The following DAAM1 variants were observed in gnomAD, a reference collection of about 807,000 sequenced individuals.
DAAM1 encodes the protein dishevelled associated activator of morphogenesis 1.
DAAM1 carries 52 observed loss-of-function variants against 130.0 expected under a neutral mutation model. The ratio of observed to expected loss-of-function variants is 0.40; its 90% confidence interval spans 0.32 to 0.50. The LOEUF is 0.50. Among genes scored for constraint, DAAM1 ranks in the 20% least tolerant of loss-of-function variants. The probability of loss-of-function intolerance (pLI) is 0.61; values close to 1 mark genes in which losing one functional copy is unlikely to be tolerated. For synonymous variants in DAAM1, 452 were observed against 444.5 expected (o/e 1.02, Z -0.21); for missense variants, 1,134 against 1,303.8 (o/e 0.87, Z 2.01).
At position 59,323,070 on chromosome 14, in the gene DAAM1, G is replaced by A; in HGVS notation, c.619G>A (p.Val207Ile). ...CCTGGCTCATTCTGAGAGTATTAAT[G>A]TAATTGCTCAGAGTCTGAGCACAGA... ...HVLAHSESIN[V>I]IAQSLSTENI... is the part of the protein sequence containing the mutation. Residue 207 changes from valine to isoleucine, a missense_variant, in exon 6 of 25, where the codon GTA becomes ATA. Coordinates refer to ENST00000360909, the MANE Select transcript of DAAM1 (RefSeq NM_001270520.2). 1 of 1,613,974 alleles carries A rather than the reference G, an allele frequency of 6.2e-7. No homozygotes were observed. Among genetic ancestry groups the A allele is most frequent in the South Asian group, 1.1e-5 (1 of 91,072 alleles).
intron 2 of DAAM1, among the ~76,000 whole-genome samples, chr14:59,276,580 C>T (rs979516579): frequency 1.3e-5 from 2 of 152,130 alleles, no homozygotes; most frequent in Non-Finnish European, 2.9e-5. Context: ...TTGCAGCCTG[C>T]TGGGCTTGTG....
chr14:59,326,689 C>A, intron 11 of DAAM1, 41 bp downstream of exon 11: 1 of 1,600,280 alleles, frequency 6.2e-7, no homozygotes, highest in Non-Finnish European at 8.5e-7. Context: ...ATAATGGTGA[C>A]AATGTAAGAT....
At chr14:59,247,561 T>C (rs1284899056) in intron 1 of DAAM1, among the ~76,000 whole-genome samples, 1 of 152,202 alleles carries the variant, frequency 6.6e-6, no homozygotes, top group Non-Finnish European at 1.5e-5. Flanking sequence ...TCAGAAATGT[T>C]TTTTAGTTTT....
intron 1 of DAAM1, among the ~76,000 whole-genome samples, chr14:59,192,595 C>T (rs1326932448): frequency 1.3e-5 from 2 of 152,148 alleles, no homozygotes; most frequent in Non-Finnish European, 2.9e-5. Context: ...AGAGGGGACA[C>T]CAGTCAAAAT....
At chr14:59,246,805 TA>T (rs1881401747) in intron 1 of DAAM1, among the ~76,000 whole-genome samples, 1 of 152,210 alleles carries the variant, frequency 6.6e-6, no homozygotes, top group African/African-American at 2.4e-5. Flanking sequence ...TAATGATTAG[TA>T]ATGCTGAGTG....
intron 2 of DAAM1, among the ~76,000 whole-genome samples, chr14:59,290,729 C>T (rs1383679936): frequency 6.6e-6 from 1 of 152,196 alleles, no homozygotes; most frequent in Non-Finnish European, 1.5e-5. Context: ...TGACCATTGT[C>T]CCACATACAC....
intron 1 of DAAM1, among the ~76,000 whole-genome samples, chr14:59,194,859 G>A (rs1273741986): frequency 6.6e-6 from 1 of 152,222 alleles, no homozygotes; most frequent in East Asian, 1.9e-4. Context: ...AGGGAAGCAA[G>A]TTCAATTTCC....
intron 15 of DAAM1, among the ~76,000 whole-genome samples, chr14:59,338,038 G>A (rs1885696039): frequency 6.6e-6 from 1 of 152,174 alleles, no homozygotes; most frequent in African/African-American, 2.4e-5. Flanking sequence ...TTGAATAAAT[G>A]GAGCCAGTGG....
chr14:59,209,697 T>C (rs1888370253), intron 1 of DAAM1, among the ~76,000 whole-genome samples: 1 of 152,220 alleles, frequency 6.6e-6, no homozygotes, highest in South Asian at 2.1e-4. Context: ...TAAGCTATAG[T>C]GTTCAGCAGG....
intron 1 of DAAM1, among the ~76,000 whole-genome samples, chr14:59,200,854 A>G (rs911604007): frequency 6.6e-6 from 1 of 152,110 alleles, no homozygotes; most frequent in African/African-American, 2.4e-5. Flanking sequence ...GGCCCATTCT[A>G]CAGGATTCTT....
At chr14:59,280,359 C>T in intron 2 of DAAM1, among the ~76,000 whole-genome samples, 1 of 152,090 alleles carries the variant, frequency 6.6e-6, no homozygotes, top group East Asian at 1.9e-4. Flanking sequence ...GACTTGAGCA[C>T]AGGAGGTCAA....
chr14:59,200,326 ACT>A (rs1033346520), intron 1 of DAAM1, among the ~76,000 whole-genome samples: 1 of 152,184 alleles, frequency 6.6e-6, no homozygotes, highest in African/African-American at 2.4e-5. Flanking sequence ...GGGAAGGCCA[ACT>A]CTGTCATTAT....
chr14:59,278,787 G>C (rs1883084507), intron 2 of DAAM1, among the ~76,000 whole-genome samples: 1 of 152,126 alleles, frequency 6.6e-6, no homozygotes, highest in Non-Finnish European at 1.5e-5. Context: ...AGTGATCTTT[G>C]ATTTCAAAGG....
At chr14:59,306,664 G>T (rs993998198) in intron 3 of DAAM1, among the ~76,000 whole-genome samples, 1 of 151,948 alleles carries the variant, frequency 6.6e-6, no homozygotes, top group African/African-American at 2.4e-5. Context: ...TGGCTGGAGG[G>T]TCTAACCTCA....
At chr14:59,319,949 C>G (rs1415526273) in intron 4 of DAAM1, among the ~76,000 whole-genome samples, 8 of 152,142 alleles carry the variant, frequency 5.3e-5, no homozygotes, top group Non-Finnish European at 4.4e-5. Context: ...CACACACTCA[C>G]TCCATATCCT....
At chr14:59,300,654 T>G (rs1283647962) in intron 3 of DAAM1, among the ~76,000 whole-genome samples, 1 of 152,156 alleles carries the variant, frequency 6.6e-6, no homozygotes, top group African/African-American at 2.4e-5. Flanking sequence ...CACCTCAGAT[T>G]TTTTTTAAAA....
chr14:59,246,613 T>C (rs1293669549), intron 1 of DAAM1, among the ~76,000 whole-genome samples: 1 of 152,192 alleles, frequency 6.6e-6, no homozygotes, highest in Non-Finnish European at 1.5e-5. Flanking sequence ...ATTAATTTTT[T>C]GAGAAACCAC....
chr14:59,369,067 T>C lies in DAAM1; in HGVS notation c.*208T>C, dbSNP rs146897503. The C allele has an allele frequency of 2.1e-3, 1,122 of 524,390 alleles. 6 individuals are homozygous for C. The East Asian group carries it at 0.022, about 10-fold the overall frequency. 32.5% of individuals were successfully genotyped at this position (524,390 alleles called of 1,614,324 possible). A position where few individuals can be genotyped will look rare whatever the true frequency, so the allele number is the denominator to read the frequency against. ...AGTGTTGTCTGGAGACCTATACGTA[T>C]GGTTAAAAAGATTTATGTTAATGTA... is the stretch of plus-strand genomic sequence containing the variant. On this transcript the variant is annotated 3_prime_UTR_variant, in exon 25 of 25. Coordinates refer to ENST00000360909, the MANE Select transcript of DAAM1 (RefSeq NM_001270520.2).
intron 3 of DAAM1, among the ~76,000 whole-genome samples, chr14:59,297,470 A>C (rs1883997780): frequency 6.6e-6 from 1 of 152,222 alleles, no homozygotes; most frequent in South Asian, 2.1e-4. Context: ...AGCCATAGTC[A>C]TACTATGTAT....
Sources: gnomAD v4.1 joint callset for allele counts (sites outside exome capture counted in the v4.1 genomes callset) on GRCh38, gnomAD v4.1.1 for gene constraint, MANE v1.5 for transcripts, NCBI Gene and HGNC (gene_info 2026-07-23, HGNC 2026-07-21) for gene names.